Variants in RAB31 observed in about 807,000 individuals in gnomAD.
RAB31 encodes RAB31, member RAS oncogene family.
Under a neutral mutation model 25.6 loss-of-function variants are expected in RAB31, and 21 were observed. The ratio of observed to expected loss-of-function variants is 0.82; its 90% CI spans 0.58 to 1.18. RAB31 has a LOEUF of 1.18. Among genes scored for constraint, RAB31 ranks in the 50% most tolerant of loss-of-function variants. The probability of loss-of-function intolerance (pLI) is 0.00; values close to 1 mark genes in which losing one functional copy is unlikely to be tolerated. For synonymous variants in RAB31, 87 were observed against 84.0 expected (o/e 1.04, Z -0.20); for missense variants, 196 against 250.1 (o/e 0.78, Z 1.46).
At chr18:9,815,051 T>G in intron 4 of RAB31, 65 bp from the exon 5 acceptor site, 1 of 1,187,608 alleles carries the variant, frequency 8.4e-7, no homozygotes, top group East Asian at 2.6e-5. Context: ...GGGCTTGTAT[T>G]TCTGCTTAGT....
intron 1 of RAB31, among the ~76,000 whole-genome samples, chr18:9,740,104 C>T (rs778071696): frequency 3.3e-5 from 5 of 152,226 alleles, no homozygotes; most frequent in Non-Finnish European, 7.3e-5. Flanking sequence ...GACTCCCTCA[C>T]TTGCTGTTTG....
In RAB31 at chr18:9,708,645, G is replaced by A. The variant is rs571807641; in HGVS notation, c.39+201G>A. Among the ~76,000 whole-genome samples the A allele has an allele frequency of 6.7e-6, 1 of 149,418 alleles. No homozygotes were observed. The highest frequency in any genetic ancestry group is 1.5e-5 in the Non-Finnish European group (1 of 67,160). On this transcript the variant is annotated intron_variant, in intron 1 of 6. Transcript: ENST00000578921. This position sits in a 1 kb window ranked among gnomAD's most constrained non-coding sequence, Gnocchi z 6.4. ...AGTCCGTGCGCCCCTCGCTCTCCGC[G>A]CCCCTCGCTCTCCGCACCCCGCCTG... is the stretch of plus-strand genomic sequence containing the variant.
chr18:9,756,718 A>G (rs549645711), intron 1 of RAB31, among the ~76,000 whole-genome samples: 4 of 152,350 alleles, frequency 2.6e-5, no homozygotes, highest in African/African-American at 7.2e-5. Context: ...GGCCACTGTC[A>G]TCTATGATAA....
chr18:9,776,686 A>T (rs1183146015), intron 2 of RAB31, among the ~76,000 whole-genome samples: 1 of 152,196 alleles, frequency 6.6e-6, no homozygotes, highest in African/African-American at 2.4e-5. Flanking sequence ...AGGCAATAGC[A>T]ATAGCCAGAG....
At chr18:9,721,521 CAGG>C (rs1012588453) in intron 1 of RAB31, among the ~76,000 whole-genome samples, 1 of 151,566 alleles carries the variant, frequency 6.6e-6, no homozygotes, top group Non-Finnish European at 1.5e-5. Flanking sequence ...GAGGCTGAGG[CAGG>C]AGAATTGTTT....
At chr18:9,822,047 T>A (rs1271761872) in intron 5 of RAB31, among the ~76,000 whole-genome samples, 1 of 152,194 alleles carries the variant, frequency 6.6e-6, no homozygotes, top group Non-Finnish European at 1.5e-5. Context: ...ATCACTCTGT[T>A]CTATATGAAG....
chr18:9,775,683 T>C (rs1210661134), intron 2 of RAB31, among the ~76,000 whole-genome samples: 1 of 152,226 alleles, frequency 6.6e-6, no homozygotes, highest in Admixed American at 6.5e-5. Flanking sequence ...CCCTGATAGT[T>C]CTGCTTTAAG....
chr18:9,709,858 G>C (rs1379041247), intron 1 of RAB31, among the ~76,000 whole-genome samples: 2 of 152,124 alleles, frequency 1.3e-5, no homozygotes, highest in African/African-American at 4.8e-5. Flanking sequence ...TAAATTCCAG[G>C]AATCCCATGC....
At chr18:9,780,981 G>A (rs1204963123) in intron 2 of RAB31, among the ~76,000 whole-genome samples, 1 of 151,428 alleles carries the variant, frequency 6.6e-6, no homozygotes, top group African/African-American at 2.4e-5. Flanking sequence ...AATAAATAAT[G>A]TTATGATGTA....
At chr18:9,817,218 C>G (rs2068603496) in intron 5 of RAB31, among the ~76,000 whole-genome samples, 2 of 152,068 alleles carry the variant, frequency 1.3e-5, no homozygotes, top group Non-Finnish European at 2.9e-5. Context: ...TCTAAATCCC[C>G]CTAATTATGG....
chr18:9,748,527 A>G (rs2068216974), intron 1 of RAB31, among the ~76,000 whole-genome samples: 1 of 151,760 alleles, frequency 6.6e-6, no homozygotes, highest in Non-Finnish European at 1.5e-5. Flanking sequence ...AGCTACATTT[A>G]TATAGATTAG....
chr18:9,778,619 C>T (rs150373775), intron 2 of RAB31, among the ~76,000 whole-genome samples: 9,928 of 152,138 alleles, frequency 0.065, 368 homozygotes, highest in Admixed American at 0.11. Flanking sequence ...TACAGTTGCA[C>T]GCCACCATGC....
chr18:9,709,790 T>G (rs948811633), intron 1 of RAB31, among the ~76,000 whole-genome samples: 2 of 152,200 alleles, frequency 1.3e-5, no homozygotes, highest in African/African-American at 4.8e-5. Context: ...TCTGTTGACC[T>G]TTTTGTGTGG....
chr18:9,782,729 C>A (rs2068411529), intron 2 of RAB31, among the ~76,000 whole-genome samples: 1 of 152,114 alleles, frequency 6.6e-6, no homozygotes, highest in Non-Finnish European at 1.5e-5. Context: ...CAGGATCTTG[C>A]TCTGTCACCC....
At chr18:9,793,334 T>C (rs1406326952) in intron 3 of RAB31, among the ~76,000 whole-genome samples, 1 of 152,014 alleles carries the variant, frequency 6.6e-6, no homozygotes. Context: ...CACCTTGGCC[T>C]CCCGAAGTGC....
chr18:9,789,847 A>G (rs2068451404), intron 2 of RAB31, among the ~76,000 whole-genome samples: 1 of 152,218 alleles, frequency 6.6e-6, no homozygotes, highest in Non-Finnish European at 1.5e-5. Flanking sequence ...CACTTAGAAT[A>G]CTTAGAATTT....
At chr18:9,779,094 G>C (rs2068389063) in intron 2 of RAB31, among the ~76,000 whole-genome samples, 2 of 152,126 alleles carry the variant, frequency 1.3e-5, no homozygotes, top group Admixed American at 6.6e-5. Flanking sequence ...AGGCAGAAGG[G>C]ATCGAATTAG....
At chr18:9,771,009 C>T (rs1385732007) in intron 1 of RAB31, among the ~76,000 whole-genome samples, 1 of 151,978 alleles carries the variant, frequency 6.6e-6, no homozygotes, top group African/African-American at 2.4e-5. Flanking sequence ...AAAAAAACCC[C>T]TAACATTTAA....
intron 3 of RAB31, among the ~76,000 whole-genome samples, chr18:9,794,738 C>G (rs543146098): frequency 2.0e-5 from 3 of 152,148 alleles, no homozygotes; most frequent in East Asian, 3.9e-4. Flanking sequence ...TCACTTGAAC[C>G]CGGGAGGCGG....
Sources: gnomAD v4.1 joint callset for allele counts (sites outside exome capture counted in the v4.1 genomes callset) on GRCh38, gnomAD v4.1.1 for gene constraint, Gnocchi (gnomAD v3.1) non-coding constraint, MANE v1.5 for transcripts, NCBI Gene and HGNC (gene_info 2026-07-23, HGNC 2026-07-21) for gene names.